LRRC4C: variants seen among roughly 807,000 people sequenced by gnomAD.
LRRC4C encodes the protein leucine rich repeat containing 4C.
Under a neutral mutation model 33.6 loss-of-function variants are expected in LRRC4C, and 5 were observed. The observed-to-expected ratio is 0.15, with a 90% CI of 0.08 to 0.31. The LOEUF is 0.31. Among genes scored for constraint, LRRC4C ranks in the 10% least tolerant of loss-of-function variants. LRRC4C has a pLI of 1.00. For missense variants in LRRC4C, 560 were observed against 796.7 expected (o/e 0.70, Z 3.58); for synonymous variants, 329 against 302.0 (o/e 1.09, Z -0.93).
chr11:41,116,006 C>T (rs2135730608), intron 1 of LRRC4C, among the ~76,000 whole-genome samples: 1 of 152,224 alleles, frequency 6.6e-6, no homozygotes, highest in Non-Finnish European at 1.5e-5. Flanking sequence ...ACCATGAGAG[C>T]TAGCCCAGCA....
chr11:40,543,224 T>C (rs902217978), intron 3 of LRRC4C, among the ~76,000 whole-genome samples: 1 of 152,022 alleles, frequency 6.6e-6, no homozygotes, highest in African/African-American at 2.4e-5. Flanking sequence ...AAGTCCACAT[T>C]TTGAGGTAAA....
intron 1 of LRRC4C, among the ~76,000 whole-genome samples, chr11:41,087,657 T>C (rs1940104460): frequency 6.6e-6 from 1 of 152,104 alleles, no homozygotes; most frequent in South Asian, 2.1e-4. Context: ...GTAATAAATC[T>C]CTTCTCAGTG....
chr11:41,304,434 TG>T (rs1950404606), intron 1 of LRRC4C, among the ~76,000 whole-genome samples: 1 of 65,514 alleles, frequency 1.5e-5, no homozygotes, highest in Non-Finnish European at 3.1e-5. Context: ...CCGCCCCGTC[TG>T]GGAGGTGAGG....
At chr11:40,356,170 G>A (rs1947662271) in intron 3 of LRRC4C, among the ~76,000 whole-genome samples, 1 of 151,992 alleles carries the variant, frequency 6.6e-6, no homozygotes, top group Admixed American at 6.6e-5. Flanking sequence ...TGTGGTCTTT[G>A]CCAATTTCAA....
At chr11:40,686,776 C>T (rs975616364) in intron 2 of LRRC4C, among the ~76,000 whole-genome samples, 3 of 151,894 alleles carry the variant, frequency 2.0e-5, no homozygotes, top group Admixed American at 6.6e-5. Context: ...TCTATTATAA[C>T]CATATTATAG....
chr11:41,353,463 A>G (rs1952052728), intron 1 of LRRC4C, among the ~76,000 whole-genome samples: 2 of 152,128 alleles, frequency 1.3e-5, no homozygotes, highest in Non-Finnish European at 2.9e-5. Flanking sequence ...GTTGGTACCA[A>G]TACTACTGAA....
At position 41,002,586 on chromosome 11, in the gene LRRC4C, C is replaced by A. The variant is rs1280643068; in HGVS notation, c.-495-68863G>T. Among the ~76,000 whole-genome samples the A allele has an allele frequency of 3.3e-5, 5 of 152,136 alleles. No individual in the cohort carries two copies. The South Asian group carries it at 1.0e-3, about 31-fold the overall frequency. On this transcript the variant is annotated intron_variant, in intron 1 of 6. Transcript: ENST00000528697. ...TAGGTAGTGAGAAAGAGCTAAAAATCACCAAATTAAGGCCAGAATTACAAA... is the reference window on the plus strand; with the variant it reads ...TAGGTAGTGAGAAAGAGCTAAAAATAACCAAATTAAGGCCAGAATTACAAA...
At chr11:40,683,277 C>G (rs1944791891) in intron 2 of LRRC4C, among the ~76,000 whole-genome samples, 1 of 152,092 alleles carries the variant, frequency 6.6e-6, no homozygotes, top group African/African-American at 2.4e-5. Context: ...TCTCCACTAC[C>G]AGCACCACTC....
At chr11:40,877,182 C>G (rs1025220012) in intron 2 of LRRC4C, among the ~76,000 whole-genome samples, 2 of 151,976 alleles carry the variant, frequency 1.3e-5, no homozygotes, top group Non-Finnish European at 2.9e-5. Context: ...CGTAGAGGCT[C>G]ACATTCAGAA....
At chr11:41,312,052 T>G (rs1211953410) in intron 1 of LRRC4C, among the ~76,000 whole-genome samples, 1 of 152,230 alleles carries the variant, frequency 6.6e-6, no homozygotes, top group Non-Finnish European at 1.5e-5. Context: ...TTAACACTAG[T>G]TGACAGATGA....
intron 1 of LRRC4C, among the ~76,000 whole-genome samples, chr11:41,015,945 G>C (rs1297328219): frequency 2.0e-5 from 3 of 152,050 alleles, no homozygotes; most frequent in Non-Finnish European, 4.4e-5. Context: ...AGCCGAGATC[G>C]CGCCACTGCA....
At chr11:41,056,202 C>A (rs1858609674) in intron 1 of LRRC4C, among the ~76,000 whole-genome samples, 1 of 152,130 alleles carries the variant, frequency 6.6e-6, no homozygotes, top group Non-Finnish European at 1.5e-5. Context: ...AAGCTCAATG[C>A]CCAATTCATT....
intron 1 of LRRC4C, among the ~76,000 whole-genome samples, chr11:41,108,879 G>A: frequency 6.6e-6 from 1 of 152,066 alleles, no homozygotes; most frequent in East Asian, 1.9e-4. Flanking sequence ...TTTGTTTGAT[G>A]TCTAATATTA....
intron 1 of LRRC4C, among the ~76,000 whole-genome samples, chr11:41,433,021 G>T (rs1477729468): frequency 2.0e-5 from 3 of 152,092 alleles, no homozygotes; most frequent in Admixed American, 2.0e-4. Flanking sequence ...CAAAAGGAGG[G>T]ATTCTACAGA....
In LRRC4C at chr11:40,984,115, A is replaced by G. The variant is rs375246063; in HGVS notation, c.-495-50392T>C. Reference sequence around the variant, plus strand: ...ATATGTTCAATCCTATAACAGTACTATTGACAAAATAATATGGAAGCATAA... The same window carrying G: ...ATATGTTCAATCCTATAACAGTACTGTTGACAAAATAATATGGAAGCATAA... On this transcript the variant is annotated intron_variant, in intron 1 of 6. Coordinates refer to ENST00000528697, the MANE Select transcript of LRRC4C (RefSeq NM_001258419.2). Among the ~76,000 whole-genome samples, 43 of 151,730 alleles carry G rather than the reference A, an allele frequency of 2.8e-4. 1 individual carries two copies. The East Asian group carries it at 7.6e-3, about 27-fold the overall frequency.
At chr11:41,191,645 T>C (rs997897883) in intron 1 of LRRC4C, among the ~76,000 whole-genome samples, 1 of 152,140 alleles carries the variant, frequency 6.6e-6, no homozygotes, top group Non-Finnish European at 1.5e-5. Context: ...TATCTTCAGT[T>C]AAACTTTAAA....
chr11:41,283,058 C>G (rs923937447), intron 1 of LRRC4C, among the ~76,000 whole-genome samples: 6 of 152,080 alleles, frequency 3.9e-5, no homozygotes, highest in African/African-American at 1.2e-4. Context: ...TCTTTAGCTA[C>G]AATAATGATA....
intron 1 of LRRC4C, among the ~76,000 whole-genome samples, chr11:41,223,682 A>G (rs1195439727): frequency 6.6e-6 from 1 of 152,204 alleles, no homozygotes; most frequent in Non-Finnish European, 1.5e-5. Context: ...GTCTTAAGGC[A>G]ACCAATTCTA....
At position 41,220,549 on chromosome 11, in the gene LRRC4C, C is replaced by T. The variant is rs1035208866; in HGVS notation, c.-496+238882G>A. Among the ~76,000 whole-genome samples the T allele has an allele frequency of 3.2e-4, 48 of 150,786 alleles. No individual in the cohort carries two copies. In the East Asian group the frequency reaches 9.0e-3, roughly 28 times the overall value. On this transcript the variant is annotated intron_variant, in intron 1 of 6. Coordinates refer to ENST00000528697, the MANE Select transcript of LRRC4C (RefSeq NM_001258419.2). ...ACACAGACATACACACACACACACA[C>T]ACACACACACACAATTCTACACGTC...
Sources: allele counts gnomAD v4.1 joint callset (sites outside exome capture counted in the v4.1 genomes callset), GRCh38; gene constraint gnomAD v4.1.1; transcripts MANE v1.5; gene names NCBI Gene and HGNC (gene_info 2026-07-23, HGNC 2026-07-21).